AKR1C8: variants seen among roughly 807,000 people sequenced by gnomAD.
The protein encoded by AKR1C8 is aldo-keto reductase family 1 member C-like protein 1.
At chr10:5,162,820 G>A in the AKR1C8 span, 14 of 492,448 alleles carry the variant, frequency 2.8e-5, no homozygotes, top group African/African-American at 2.4e-4. Context: ...AACTTATAGT[G>A]GCCTCTGGCT....
At chr10:5,125,573 T>C in the AKR1C8 span, among the ~76,000 whole-genome samples, 14 of 152,146 alleles carry the variant, frequency 9.2e-5, no homozygotes, top group Admixed American at 8.5e-4. Flanking sequence ...TAGAATAACA[T>C]TGCACCCAGG....
chr10:5,116,540 A>G, the AKR1C8 span, among the ~76,000 whole-genome samples: 1 of 152,152 alleles, frequency 6.6e-6, no homozygotes, highest in African/African-American at 2.4e-5. Context: ...CCTTCTGGAG[A>G]ACTTTGCCCC....
At chr10:5,177,722 C>A in the AKR1C8 span, among the ~76,000 whole-genome samples, 1 of 152,058 alleles carries the variant, frequency 6.6e-6, no homozygotes, top group Admixed American at 6.6e-5. Context: ...GTGTATGTGT[C>A]GAGGAATTTA....
At chr10:5,118,183 A>T in the AKR1C8 span, among the ~76,000 whole-genome samples, 3 of 152,218 alleles carry the variant, frequency 2.0e-5, no homozygotes, top group Non-Finnish European at 2.9e-5. Flanking sequence ...CAACCATGTT[A>T]TCCATTGTGG....
At chr10:5,166,975 A>T in the AKR1C8 span, among the ~76,000 whole-genome samples, 1 of 152,054 alleles carries the variant, frequency 6.6e-6, no homozygotes, top group Non-Finnish European at 1.5e-5. Flanking sequence ...TGGGCAAAGG[A>T]TATGAAGAGA....
At chr10:5,175,464 G>A in the AKR1C8 span, among the ~76,000 whole-genome samples, 1 of 152,164 alleles carries the variant, frequency 6.6e-6, no homozygotes, top group African/African-American at 2.4e-5. Context: ...ATAGCAGCAT[G>A]ATTTATAGTC....
At chr10:5,130,025 A>G in the AKR1C8 span, among the ~76,000 whole-genome samples, 1 of 152,082 alleles carries the variant, frequency 6.6e-6, no homozygotes, top group East Asian at 1.9e-4. Flanking sequence ...CCTCAAGAAA[A>G]TACTAGCTAA....
chr10:5,163,134 T>A, the AKR1C8 span: 1 of 409,990 alleles, frequency 2.4e-6, no homozygotes, highest in South Asian at 1.9e-5. Flanking sequence ...CCAATTTTGA[T>A]GACACGGGTT....
the AKR1C8 span, among the ~76,000 whole-genome samples, chr10:5,131,087 G>T: frequency 0.39 from 59,584 of 151,776 alleles, 12,492 homozygotes; most frequent in Non-Finnish European, 0.43. Context: ...TTGGGGAAAA[G>T]ACTCTATTCA....
At chr10:5,134,005 T>C in the AKR1C8 span, among the ~76,000 whole-genome samples, 7 of 152,340 alleles carry the variant, frequency 4.6e-5, no homozygotes, top group Non-Finnish European at 8.8e-5. Context: ...TTAAAATTAT[T>C]GATTTATCTA....
the AKR1C8 span, among the ~76,000 whole-genome samples, chr10:5,141,121 T>C: frequency 6.6e-6 from 1 of 152,306 alleles, no homozygotes; most frequent in East Asian, 1.9e-4. Context: ...TTAAATCCTT[T>C]GTTGTCATTG....
At chr10:5,152,536 C>T in the AKR1C8 span, among the ~76,000 whole-genome samples, 4 of 152,156 alleles carry the variant, frequency 2.6e-5, no homozygotes, top group African/African-American at 9.7e-5. Context: ...TTTAAAAATA[C>T]TTCAAGGACT....
At chr10:5,170,478 G>A in the AKR1C8 span, among the ~76,000 whole-genome samples, 1 of 152,000 alleles carries the variant, frequency 6.6e-6, no homozygotes, top group East Asian at 1.9e-4. Context: ...AGCTTTGATG[G>A]AACTTTGTTC....
chr10:5,156,989 G>T, the AKR1C8 span, among the ~76,000 whole-genome samples: 1 of 152,158 alleles, frequency 6.6e-6, no homozygotes, highest in South Asian at 2.1e-4. Flanking sequence ...TGTGGAGAAG[G>T]GTTTACAAGA....
chr10:5,176,977 C>T, the AKR1C8 span, among the ~76,000 whole-genome samples: 1 of 152,066 alleles, frequency 6.6e-6, no homozygotes, highest in South Asian at 2.1e-4. Context: ...ATTTCCTTCT[C>T]CTGCCTAATT....
the AKR1C8 span, chr10:5,155,625 C>A: frequency 2.4e-6 from 1 of 423,382 alleles, no homozygotes; most frequent in African/African-American, 2.1e-5. Flanking sequence ...CCCCATTTCC[C>A]TGCATACTAC....
At chr10:5,169,374 A>G in the AKR1C8 span, among the ~76,000 whole-genome samples, 1 of 152,146 alleles carries the variant, frequency 6.6e-6, no homozygotes, top group Admixed American at 6.6e-5. Flanking sequence ...TGTTGGATTG[A>G]TTGCAGGAGC....
chr10:5,164,398 T>C, the AKR1C8 span, among the ~76,000 whole-genome samples: 1 of 152,016 alleles, frequency 6.6e-6, no homozygotes, highest in Non-Finnish European at 1.5e-5. Context: ...ACAATTTTCT[T>C]GGTGGTAAGT....
the AKR1C8 span, among the ~76,000 whole-genome samples, chr10:5,140,175 A>G: frequency 6.6e-6 from 1 of 152,224 alleles, no homozygotes; most frequent in Non-Finnish European, 1.5e-5. Context: ...GTGGAGAAAT[A>G]GGAATGTTTT....
Sources: gnomAD v4.1 joint callset for allele counts (sites outside exome capture counted in the v4.1 genomes callset) on GRCh38, gnomAD v4.1.1 for gene constraint, MANE v1.5 for transcripts, NCBI Gene and HGNC (gene_info 2026-07-23, HGNC 2026-07-21) for gene names.